Variants in NMNAT2 observed in about 807,000 individuals in gnomAD.
NMNAT2 encodes the protein nicotinamide nucleotide adenylyltransferase 2.
NMNAT2 carries 11 observed loss-of-function variants against 41.6 expected under a neutral mutation model. The ratio of observed to expected loss-of-function variants is 0.26; its 90% confidence interval spans 0.17 to 0.44. NMNAT2 has a LOEUF of 0.44. NMNAT2 is among the 20% of genes least tolerant of loss of function. NMNAT2 has a pLI of 1.00. For synonymous variants in NMNAT2, 148 were observed against 151.2 expected (o/e 0.98, Z 0.16); for missense variants, 288 against 407.7 (o/e 0.71, Z 2.53).
At chr1:183,329,176 T>C (rs1662528719) in intron 1 of NMNAT2, among the ~76,000 whole-genome samples, 1 of 152,170 alleles carries the variant, frequency 6.6e-6, no homozygotes, top group East Asian at 1.9e-4. Flanking sequence ...CCTACCAGCA[T>C]AAACTAGAGT....
intron 1 of NMNAT2, among the ~76,000 whole-genome samples, chr1:183,377,977 G>A (rs1368555641): frequency 6.6e-6 from 1 of 152,206 alleles, no homozygotes; most frequent in Non-Finnish European, 1.5e-5. Context: ...AATGTTAACA[G>A]TGGGTTCTTC....
Position 183,403,363 on chromosome 1 carries a change from G to T in NMNAT2, c.85+14820C>A, listed in dbSNP as rs929163491. Among the ~76,000 whole-genome samples, 106 of 152,136 alleles carry T rather than the reference G, an allele frequency of 7.0e-4. 1 individual carries two copies. The highest frequency in any genetic ancestry group is 1.8e-3 in the Admixed American group (27 of 15,286). On this transcript the variant is annotated intron_variant, in intron 1 of 10. Transcript: ENST00000287713. ...GCAATAGCCTGAAATAAGTCAATTT[G>T]CATGTAAAAGAAATGTGTGTGTGTA...
At chr1:183,347,565 C>T (rs1007234201) in intron 1 of NMNAT2, among the ~76,000 whole-genome samples, 2 of 152,106 alleles carry the variant, frequency 1.3e-5, no homozygotes, top group African/African-American at 4.8e-5. Flanking sequence ...GGGAAAGTGC[C>T]GGACACACAG....
intron 1 of NMNAT2, among the ~76,000 whole-genome samples, chr1:183,347,418 C>T (rs1016685013): frequency 6.6e-6 from 1 of 151,988 alleles, no homozygotes; most frequent in Non-Finnish European, 1.5e-5. Flanking sequence ...ATCGTACCAC[C>T]GCACTCCAGT....
rs1052923318 is a variant in NMNAT2 at position 183,248,475 on chromosome 1, C to G, written c.*4166G>C. 6.6e-6 allele frequency: 1 copy of G among 152,574 alleles called. No individual in the cohort carries two copies. Among genetic ancestry groups the G allele is most frequent in the Non-Finnish European group, 1.5e-5 (1 of 68,034 alleles). 9.5% of individuals were successfully genotyped at this position (152,574 alleles called of 1,614,324 possible). A position where few individuals can be genotyped will look rare whatever the true frequency, so the allele number is the denominator to read the frequency against. On this transcript the variant is annotated 3_prime_UTR_variant, in exon 11 of 11. Transcript: ENST00000287713. ...GCTTCCCCCTCCTCATGCCAACCCTCAAGACCATGTGGATCCAGCTGAATC... is the reference window on the plus strand; with the variant it reads ...GCTTCCCCCTCCTCATGCCAACCCTGAAGACCATGTGGATCCAGCTGAATC...
intron 1 of NMNAT2, among the ~76,000 whole-genome samples, chr1:183,345,640 G>A (rs1662910140): frequency 6.6e-6 from 1 of 151,772 alleles, no homozygotes; most frequent in Admixed American, 6.6e-5. Context: ...GCGGCCCCTC[G>A]ACCTGGGACT....
intron 1 of NMNAT2, among the ~76,000 whole-genome samples, chr1:183,344,758 T>A (rs1353972541): frequency 6.6e-6 from 1 of 152,192 alleles, no homozygotes; most frequent in Non-Finnish European, 1.5e-5. Context: ...CCCCACGAAG[T>A]ACGAGGCATT....
intron 10 of NMNAT2, among the ~76,000 whole-genome samples, chr1:183,255,553 A>C (rs1256760981): frequency 6.6e-6 from 1 of 152,094 alleles, no homozygotes; most frequent in East Asian, 1.9e-4. Flanking sequence ...ATCCATGAGC[A>C]TGAAATACTT....
intron 4 of NMNAT2, among the ~76,000 whole-genome samples, chr1:183,288,625 A>T (rs767387540): frequency 6.6e-6 from 1 of 152,212 alleles, no homozygotes; most frequent in Non-Finnish European, 1.5e-5. Context: ...GAATGCCTGC[A>T]GGGTCCCCTT....
chr1:183,411,464 T>C (rs1649114293), intron 1 of NMNAT2, among the ~76,000 whole-genome samples: 1 of 152,126 alleles, frequency 6.6e-6, no homozygotes, highest in South Asian at 2.1e-4. Context: ...CCACCAGGCC[T>C]GGCAAATTTT....
At chr1:183,352,193 T>A (rs1409981910) in intron 1 of NMNAT2, among the ~76,000 whole-genome samples, 2 of 152,148 alleles carry the variant, frequency 1.3e-5, no homozygotes, top group African/African-American at 4.8e-5. Flanking sequence ...TTCACCTCCC[T>A]GTGCTCTGAA....
At chr1:183,416,679 G>A (rs1257434605) in intron 1 of NMNAT2, among the ~76,000 whole-genome samples, 1 of 152,150 alleles carries the variant, frequency 6.6e-6, no homozygotes, top group African/African-American at 2.4e-5. Context: ...TCCTTCTATC[G>A]TGTAGATATG....
At chr1:183,347,622 G>A (rs1429827983) in intron 1 of NMNAT2, among the ~76,000 whole-genome samples, 1 of 152,174 alleles carries the variant, frequency 6.6e-6, no homozygotes, top group Non-Finnish European at 1.5e-5. Flanking sequence ...TACTACCCTT[G>A]TGTTTTTAAA....
chr1:183,256,783 T>A (rs1660525364), intron 10 of NMNAT2, among the ~76,000 whole-genome samples: 1 of 152,194 alleles, frequency 6.6e-6, no homozygotes, highest in African/African-American at 2.4e-5. Flanking sequence ...TCTTTTTTTT[T>A]CTGTTGCCCA....
chr1:183,376,459 C>A (rs1286788876), intron 1 of NMNAT2, among the ~76,000 whole-genome samples: 1 of 152,140 alleles, frequency 6.6e-6, no homozygotes, highest in Non-Finnish European at 1.5e-5. Context: ...AAAAAATTGA[C>A]TTCACTTTAT....
chr1:183,352,641 A>C (rs1308993543), intron 1 of NMNAT2, among the ~76,000 whole-genome samples: 1 of 151,914 alleles, frequency 6.6e-6, no homozygotes, highest in Admixed American at 6.6e-5. Context: ...CCATTATAAA[A>C]TGCAAATATG....
At chr1:183,305,990 G>A (rs1408273244) in intron 1 of NMNAT2, among the ~76,000 whole-genome samples, 1 of 152,122 alleles carries the variant, frequency 6.6e-6, no homozygotes, top group African/African-American at 2.4e-5. Flanking sequence ...CCAAAGTGCT[G>A]GGATTATAGG....
At chr1:183,254,295 A>G (rs985644684) in intron 10 of NMNAT2, among the ~76,000 whole-genome samples, 3 of 152,210 alleles carry the variant, frequency 2.0e-5, no homozygotes, top group East Asian at 1.9e-4. Context: ...GGTGTGAGGT[A>G]GAATCTCATA....
chr1:183,297,610 A>C (rs1001645442), intron 1 of NMNAT2, among the ~76,000 whole-genome samples: 1 of 152,090 alleles, frequency 6.6e-6, no homozygotes, highest in Non-Finnish European at 1.5e-5. Flanking sequence ...TGAACTCCCG[A>C]CCTCAGGTGA....
Sources: gnomAD v4.1 joint callset for allele counts (sites outside exome capture counted in the v4.1 genomes callset) on GRCh38, gnomAD v4.1.1 for gene constraint, MANE v1.5 for transcripts, NCBI Gene and HGNC (gene_info 2026-07-23, HGNC 2026-07-21) for gene names.